The following NBEA variants were observed in gnomAD, a reference collection of about 807,000 sequenced individuals.
NBEA encodes the protein neurobeachin, also known as lysosomal-trafficking regulator 2.
Under a neutral mutation model 343.4 loss-of-function variants are expected in NBEA, and 44 were observed. The observed-to-expected ratio is 0.13, with a 90% CI of 0.10 to 0.16. NBEA has a LOEUF of 0.16. Among genes scored for constraint, NBEA ranks in the 10% least tolerant of loss-of-function variants. The pLI is 1.00. For synonymous variants in NBEA, 1,175 were observed against 1,238.7 expected, an observed-to-expected ratio of 0.95 and a Z score of 1.08; for missense variants, 2,555 against 3,631.3, an observed-to-expected ratio of 0.70 and a Z score of 7.62.
At chr13:35,147,169 G>T (rs1472766475) in intron 18 of NBEA, among the ~76,000 whole-genome samples, 3 of 152,184 alleles carry the variant, frequency 2.0e-5, no homozygotes, top group Non-Finnish European at 2.9e-5. Context: ...GATAGTTCCA[G>T]TTAGGGTCAT....
At chr13:35,107,248 C>T (rs1357069092) in intron 11 of NBEA, among the ~76,000 whole-genome samples, 1 of 151,070 alleles carries the variant, frequency 6.6e-6, no homozygotes, top group Non-Finnish European at 1.5e-5. Context: ...CCGATCTTTA[C>T]TTTTTAAACT....
At chr13:35,625,164 G>A (rs1230624146) in intron 48 of NBEA, among the ~76,000 whole-genome samples, 1 of 152,034 alleles carries the variant, frequency 6.6e-6, no homozygotes, top group East Asian at 1.9e-4. Context: ...TATAATTCAA[G>A]ACAAAACCTC....
rs1328356100 is a variant in NBEA at position 35,606,534 on chromosome 13, C to T, written c.7405C>T (p.Pro2469Ser). 2 of 1,607,306 alleles carry T rather than the reference C, an allele frequency of 1.2e-6. No individual in the cohort carries two copies. Among genetic ancestry groups the T allele is most frequent in the East Asian group, 2.2e-5 (1 of 44,656 alleles). ...EVVVNDVDLP[P>S]WAKKPEDFVR... ...AGTGGTAAATGATGTTGATCTTCCC[C>T]CTTGGGCAAAAAAACCTGAAGACTT... Residue 2469 changes from proline (P) to serine (S), a missense_variant, in exon 48 of 59, where the codon CCT becomes TCT. By Grantham distance (74) the Pro-to-Ser change is moderately conservative. Around this residue, in one of 21 missense-constraint regions of NBEA, gnomAD observed 156 missense variants for 185.8 expected, o/e 0.84. Coordinates refer to ENST00000379939, the MANE Select transcript of NBEA (RefSeq NM_001385012.1).
chr13:35,046,022 C>T (rs190844362), intron 4 of NBEA, among the ~76,000 whole-genome samples: 1 of 152,260 alleles, frequency 6.6e-6, no homozygotes, highest in Non-Finnish European at 1.5e-5. Context: ...CTGCACCCGG[C>T]CTGGTATATA....
intron 17 of NBEA, among the ~76,000 whole-genome samples, chr13:35,133,692 G>T (rs1198527512): frequency 1.3e-5 from 2 of 151,834 alleles, no homozygotes; most frequent in African/African-American, 4.8e-5. Context: ...AGTTGCAGAA[G>T]GATACATAAT....
intron 35 of NBEA, among the ~76,000 whole-genome samples, chr13:35,308,512 GTGTATATATGTATA>G (rs2037103288): frequency 1.0e-5 from 1 of 98,552 alleles, no homozygotes; most frequent in African/African-American, 4.4e-5. Context: ...ATATATATAT[GTGTATATATGTATA>G]TATATGTATA....
At chr13:35,368,580 A>G (rs1419682412) in intron 38 of NBEA, among the ~76,000 whole-genome samples, 1 of 151,642 alleles carries the variant, frequency 6.6e-6, no homozygotes, top group Non-Finnish European at 1.5e-5. Flanking sequence ...TATTTCATTT[A>G]TTATAAATAT....
intron 53 of NBEA, among the ~76,000 whole-genome samples, chr13:35,652,155 C>G (rs2153079924): frequency 6.6e-6 from 1 of 152,090 alleles, no homozygotes; most frequent in Middle Eastern, 3.4e-3. Flanking sequence ...AAAGTGTTCT[C>G]TAACAGCTCA....
chr13:35,160,491 G>A (rs922869772), intron 22 of NBEA, among the ~76,000 whole-genome samples: 6 of 152,154 alleles, frequency 3.9e-5, no homozygotes, highest in Admixed American at 3.9e-4. Context: ...ACTGATAAAT[G>A]AAGGGGAAGG....
At chr13:35,374,613 G>C (rs1406048208) in intron 38 of NBEA, among the ~76,000 whole-genome samples, 1 of 152,018 alleles carries the variant, frequency 6.6e-6, no homozygotes, top group Non-Finnish European at 1.5e-5. Flanking sequence ...AAATCCTGCA[G>C]TTTTATGAAA....
At chr13:35,370,779 C>T (rs1023070104) in intron 38 of NBEA, among the ~76,000 whole-genome samples, 15 of 152,028 alleles carry the variant, frequency 9.9e-5, no homozygotes, top group Non-Finnish European at 1.5e-4. Flanking sequence ...GTATAGGACT[C>T]CCTTAAGTAT....
rs1351914030 is a variant in NBEA, at chr13:35,110,811, T to A, written c.1835T>A (p.Val612Asp). 1 of 1,608,830 alleles carries A rather than the reference T, an allele frequency of 6.2e-7. No individual in the cohort carries two copies. Among genetic ancestry groups the A allele is most frequent in the Non-Finnish European group, 8.5e-7 (1 of 1,175,846 alleles). ...TGATCTGTTAATATTCTGTATTAGG[T>A]TCAGCTTTCCCTATACACATATTTG... ...PAIWIHTPAK[V>D]QLSLYTYLSA... is the part of the protein sequence containing the mutation. Residue 612 changes from valine (V) to aspartate (D), a missense_variant and splice_region_variant, in exon 13 of 59, where the codon GTT becomes GAT. This residue lies in a region of NBEA where 360 missense variants were observed against 519.1 expected (regional missense o/e 0.69). Coordinates refer to ENST00000379939, the MANE Select transcript of NBEA (RefSeq NM_001385012.1).
At chr13:35,137,792 T>TTTTTCA (rs1328091243) in intron 17 of NBEA, among the ~76,000 whole-genome samples, 1 of 152,038 alleles carries the variant, frequency 6.6e-6, no homozygotes, top group Non-Finnish European at 1.5e-5. Context: ...ACACAACCAA[T>TTTTTCA]TAAATAATTA....
At chr13:34,955,087 T>C (rs2059452325) in intron 1 of NBEA, among the ~76,000 whole-genome samples, 1 of 152,148 alleles carries the variant, frequency 6.6e-6, no homozygotes, top group Non-Finnish European at 1.5e-5. Flanking sequence ...CTATGGTCCT[T>C]CACAGACTAG....
At chr13:35,546,128 G>C (rs968142916) in intron 41 of NBEA, among the ~76,000 whole-genome samples, 1 of 152,164 alleles carries the variant, frequency 6.6e-6, no homozygotes, top group Non-Finnish European at 1.5e-5. Context: ...GGATAGATGA[G>C]AGTTCTATTC....
chr13:35,442,670 G>A (rs914491599), intron 39 of NBEA, among the ~76,000 whole-genome samples: 60 of 151,992 alleles, frequency 3.9e-4, no homozygotes, highest in Non-Finnish European at 5.4e-4. Context: ...TGAATTTCCC[G>A]TTTGTTGGTC....
chr13:34,993,155 C>T (rs2060822938), intron 1 of NBEA, among the ~76,000 whole-genome samples: 1 of 152,180 alleles, frequency 6.6e-6, no homozygotes, highest in African/African-American at 2.4e-5. Flanking sequence ...TTTGGTGACC[C>T]TGTTATTTCT....
intron 38 of NBEA, among the ~76,000 whole-genome samples, chr13:35,394,824 A>G: frequency 6.6e-6 from 1 of 151,478 alleles, no homozygotes; most frequent in East Asian, 1.9e-4. Context: ...TTTTTTTCTA[A>G]TTTTTTGAGG....
chr13:35,486,228 A>G (rs909177668), intron 41 of NBEA, among the ~76,000 whole-genome samples: 3 of 152,070 alleles, frequency 2.0e-5, no homozygotes, highest in African/African-American at 7.2e-5. Context: ...ATTTTCAAAT[A>G]TGATCTTTTA....
Sources: gnomAD v4.1 joint callset for allele counts (sites outside exome capture counted in the v4.1 genomes callset) on GRCh38, gnomAD v4.1.1 for gene constraint, gnomAD v4.1.1 regional missense constraint, MANE v1.5 for transcripts, NCBI Gene and HGNC (gene_info 2026-07-23, HGNC 2026-07-21) for gene names.